CTNNA2: variants seen among roughly 807,000 people sequenced by gnomAD.
The protein encoded by CTNNA2 is catenin alpha-2.
In CTNNA2, 42 loss-of-function variants were observed where a neutral mutation model predicts 101.0. The observed-to-expected ratio is 0.42, with a 90% CI of 0.32 to 0.54. CTNNA2 has a LOEUF of 0.54. Among genes scored for constraint, CTNNA2 ranks in the 20% least tolerant of loss-of-function variants. The pLI is 0.14. For synonymous variants in CTNNA2, 450 were observed against 456.4 expected, an observed-to-expected ratio of 0.99 and a Z score of 0.18; for missense variants, 871 against 1,223.1, an observed-to-expected ratio of 0.71 and a Z score of 4.29.
intron 4 of CTNNA2, among the ~76,000 whole-genome samples, chr2:79,862,131 T>G (rs539984843): frequency 3.3e-5 from 5 of 152,324 alleles, no homozygotes; most frequent in African/African-American, 1.2e-4. Flanking sequence ...TGTAGATGTG[T>G]ATGTCAGAGG....
chr2:80,395,868 G>A (rs1677965131), intron 8 of CTNNA2, among the ~76,000 whole-genome samples: 1 of 152,138 alleles, frequency 6.6e-6, no homozygotes, highest in Admixed American at 6.5e-5. Context: ...AGGGGAAAAA[G>A]GTGAAATCAA....
intron 4 of CTNNA2, among the ~76,000 whole-genome samples, chr2:79,483,512 T>C (rs903824250): frequency 6.6e-6 from 1 of 152,164 alleles, no homozygotes; most frequent in African/African-American, 2.4e-5. Flanking sequence ...TCAGTAATTG[T>C]TGGGAGGATC....
intron 4 of CTNNA2, among the ~76,000 whole-genome samples, chr2:79,399,706 A>T (rs1678269867): frequency 6.6e-6 from 1 of 152,088 alleles, no homozygotes; most frequent in Non-Finnish European, 1.5e-5. Context: ...AAGATGAGAC[A>T]CTCAAAGAAA....
chr2:80,549,303 T>TA (rs1249224593), intron 11 of CTNNA2, among the ~76,000 whole-genome samples: 19 of 152,344 alleles, frequency 1.2e-4, no homozygotes, highest in African/African-American at 4.6e-4. Context: ...CTTGATCTCA[T>TA]AATGCCCAAG....
chr2:80,443,971 A>G (rs2149445793), intron 9 of CTNNA2, among the ~76,000 whole-genome samples: 1 of 152,276 alleles, frequency 6.6e-6, no homozygotes, highest in Middle Eastern at 3.4e-3. Flanking sequence ...AGACATGAAT[A>G]GGTTAAAATC....
At chr2:80,298,066 T>G (rs957333314) in intron 7 of CTNNA2, 13 of 151,558 alleles carry the variant, frequency 8.6e-5, no homozygotes, top group African/African-American at 2.9e-4. Context: ...CACACACATG[T>G]GTGCATATTT....
chr2:79,729,506 A>G (rs181111188), intron 2 of CTNNA2, among the ~76,000 whole-genome samples: 2 of 152,198 alleles, frequency 1.3e-5, no homozygotes, highest in East Asian at 3.9e-4. Flanking sequence ...ATGCTTCCAT[A>G]CTAATTATCC....
At chr2:79,730,130 C>T (rs1216028625) in intron 2 of CTNNA2, among the ~76,000 whole-genome samples, 1 of 151,994 alleles carries the variant, frequency 6.6e-6, no homozygotes, top group Non-Finnish European at 1.5e-5. Context: ...CAAATTAAAA[C>T]CTGAATTATT....
At chr2:79,988,485 TGTGTGTGTG>T (rs1691930983) in intron 7 of CTNNA2, among the ~76,000 whole-genome samples, 1 of 151,522 alleles carries the variant, frequency 6.6e-6, no homozygotes, top group Admixed American at 6.6e-5. Flanking sequence ...TGTGTGTGTG[TGTGTGTGTG>T]TGTGTGTATT....
intron 6 of CTNNA2, among the ~76,000 whole-genome samples, chr2:79,897,302 G>T (rs1310685399): frequency 1.4e-5 from 2 of 147,860 alleles, no homozygotes; most frequent in African/African-American, 5.1e-5. Flanking sequence ...AGGATTTTAA[G>T]ACTAGGCTGT....
chr2:80,427,344 A>G (rs185371077), intron 9 of CTNNA2, among the ~76,000 whole-genome samples: 416 of 152,344 alleles, frequency 2.7e-3, no homozygotes, highest in African/African-American at 9.5e-3. Context: ...ATTTGTACCA[A>G]GTAGAAAACA....
intron 7 of CTNNA2, among the ~76,000 whole-genome samples, chr2:80,212,568 C>T (rs1207555516): frequency 6.6e-6 from 1 of 151,396 alleles, no homozygotes; most frequent in Non-Finnish European, 1.5e-5. Context: ...GGGATGAAGC[C>T]AACTTGATCG....
chr2:80,136,138 G>C (rs1249061123), intron 7 of CTNNA2, among the ~76,000 whole-genome samples: 1 of 152,174 alleles, frequency 6.6e-6, no homozygotes, highest in Non-Finnish European at 1.5e-5. Context: ...TGAGGTAATA[G>C]TTGTGAAGTT....
intron 1 of CTNNA2, among the ~76,000 whole-genome samples, chr2:79,600,148 G>T (rs7597183): frequency 6.6e-6 from 1 of 151,770 alleles, no homozygotes; most frequent in Admixed American, 6.6e-5. Context: ...GAACTACACC[G>T]AGAGATAGTG....
At chr2:80,453,119 A>G (rs1451018702) in intron 9 of CTNNA2, among the ~76,000 whole-genome samples, 2 of 152,100 alleles carry the variant, frequency 1.3e-5, no homozygotes, top group East Asian at 3.9e-4. Flanking sequence ...TGGGAGCTAA[A>G]TCCAAGCATA....
At chr2:79,327,349 A>C (rs1676769595) in intron 3 of CTNNA2, among the ~76,000 whole-genome samples, 1 of 152,188 alleles carries the variant, frequency 6.6e-6, no homozygotes, top group Admixed American at 6.5e-5. Context: ...CAGTTGCCAT[A>C]ACCCTTGGAT....
At chr2:80,177,745 G>A (rs1033470140) in intron 7 of CTNNA2, among the ~76,000 whole-genome samples, 2 of 152,164 alleles carry the variant, frequency 1.3e-5, no homozygotes, top group Non-Finnish European at 2.9e-5. Context: ...ACTCAGCGAG[G>A]TCCATCTATA....
intron 4 of CTNNA2, among the ~76,000 whole-genome samples, chr2:79,393,324 C>T (rs796416556): frequency 1.3e-5 from 2 of 152,282 alleles, no homozygotes; most frequent in African/African-American, 2.4e-5. Context: ...GCAAAACCAG[C>T]GTCAAGTGCA....
At chr2:79,868,544 A>G (rs984899786) in intron 4 of CTNNA2, among the ~76,000 whole-genome samples, 14 of 152,256 alleles carry the variant, frequency 9.2e-5, no homozygotes, top group Non-Finnish European at 1.6e-4. Flanking sequence ...TCAAGCCTCA[A>G]TTAAGTTCAG....
Sources: gnomAD v4.1 joint callset for allele counts (sites outside exome capture counted in the v4.1 genomes callset) on GRCh38, gnomAD v4.1.1 for gene constraint, MANE v1.5 for transcripts, NCBI Gene and HGNC (gene_info 2026-07-23, HGNC 2026-07-21) for gene names.